PTPN9: variants seen among roughly 807,000 people sequenced by gnomAD.
PTPN9 encodes the protein protein tyrosine phosphatase non-receptor type 9, also known as tyrosine-protein phosphatase non-receptor type 9.
A neutral mutation model predicts 69.8 loss-of-function variants in PTPN9; 26 were observed. The ratio of observed to expected loss-of-function variants is 0.37; its 90% CI spans 0.27 to 0.52. PTPN9 has a LOEUF of 0.52. Ranked by LOEUF, PTPN9 falls within the 20% of genes least tolerant of loss-of-function variation. The pLI is 0.91. For missense variants in PTPN9, 549 were observed against 740.3 expected (o/e 0.74, Z 3.00); for synonymous variants, 274 against 272.5 (o/e 1.01, Z -0.05).
chr15:75,513,680 T>A (rs1033405237), intron 5 of PTPN9, among the ~76,000 whole-genome samples: 6 of 151,338 alleles, frequency 4.0e-5, no homozygotes, highest in African/African-American at 1.5e-4. Flanking sequence ...GGCAGGAGAA[T>A]CACTTGAACC....
intron 1 of PTPN9, among the ~76,000 whole-genome samples, chr15:75,550,093 T>C (rs941692158): frequency 2.0e-5 from 3 of 150,834 alleles, no homozygotes; most frequent in Non-Finnish European, 4.4e-5. Context: ...GAGAAATGAA[T>C]TTCAAAACAG....
chr15:75,571,191 C>T (rs949973299), intron 1 of PTPN9, among the ~76,000 whole-genome samples: 1 of 151,712 alleles, frequency 6.6e-6, no homozygotes, highest in Non-Finnish European at 1.5e-5. Flanking sequence ...ACCCGGGAGG[C>T]GGCGGTTGCA....
intron 1 of PTPN9, among the ~76,000 whole-genome samples, chr15:75,553,903 G>A (rs2075065776): frequency 6.6e-6 from 1 of 151,728 alleles, no homozygotes; most frequent in East Asian, 1.9e-4. Flanking sequence ...TTGACCCACA[G>A]CTCCATTACT....
intron 1 of PTPN9, among the ~76,000 whole-genome samples, chr15:75,575,623 C>A (rs1341549121): frequency 1.3e-5 from 2 of 152,114 alleles, no homozygotes; most frequent in Non-Finnish European, 2.9e-5. Flanking sequence ...TTAAATAAAT[C>A]TTAAGAGTAC....
intron 1 of PTPN9, among the ~76,000 whole-genome samples, chr15:75,564,322 C>T (rs959008146): frequency 3.9e-5 from 6 of 152,026 alleles, no homozygotes; most frequent in Admixed American, 6.6e-5. Context: ...TGGCCAGGTG[C>T]GGTGGCTCAC....
At position 75,578,701 on chromosome 15, in the gene PTPN9, C is replaced by T. The variant is rs924781426; in HGVS notation, c.63+13G>A. 38 of 1,369,478 alleles carry T rather than the reference C, an allele frequency of 2.8e-5. No individual in the cohort carries two copies. The highest frequency in any genetic ancestry group is 3.2e-5 in the Non-Finnish European group (34 of 1,058,722). 84.8% of individuals were successfully genotyped at this position (1,369,478 alleles called of 1,614,324 possible). A position where few individuals can be genotyped will look rare whatever the true frequency, so the allele number is the denominator to read the frequency against. On this transcript the variant is annotated intron_variant, in intron 1 of 12. Transcript: ENST00000618819. ...CCGGACACACCCAACGCGGCGGCCT[C>T]GGGCCCGCTTACCTGCTCCTCCTCC...
rs1226587934 is a variant in PTPN9 at position 75,466,761 on chromosome 15, G to C, written c.*2008C>G. 1.3e-5 allele frequency: 2 copies of C among 152,220 alleles called. No individual in the cohort carries two copies. The highest frequency in any genetic ancestry group is 4.8e-5 in the African/African-American group (2 of 41,448). 9.4% of individuals were successfully genotyped at this position (152,220 alleles called of 1,614,324 possible). On this transcript the variant is annotated 3_prime_UTR_variant, in exon 13 of 13. Transcript: ENST00000618819. ...AGCAGACCAACTTGAGCTCGTTTTA[G>C]AGCAAATCACTGTAACCCTCTGGAC...
Position 75,465,097 on chromosome 15 carries a change from CTTTT to C in PTPN9, c.*3668_*3671del, listed in dbSNP as rs944420790. On this transcript the variant is annotated 3_prime_UTR_variant, in exon 13 of 13. Coordinates refer to ENST00000618819, the MANE Select transcript of PTPN9 (RefSeq NM_002833.4). ...TTCTTCTTTCCTGAACACTGTCTTT[CTTTT>C]TTATTTATTTATTTTTTTTGAGATG... 3 of 152,088 alleles carry C rather than the reference CTTTT, an allele frequency of 2.0e-5. No homozygotes were observed. Among genetic ancestry groups the C allele is most frequent in the Non-Finnish European group, 4.4e-5 (3 of 68,032 alleles). 9.4% of individuals were successfully genotyped at this position (152,088 alleles called of 1,614,324 possible). A position where few individuals can be genotyped will look rare whatever the true frequency, so the allele number is the denominator to read the frequency against.
At chr15:75,523,384 G>T in intron 3 of PTPN9, 139 bp from the exon 4 acceptor site, 2 of 951,476 alleles carry the variant, frequency 2.1e-6, no homozygotes, top group Non-Finnish European at 3.1e-6. Flanking sequence ...ACCAATTGCT[G>T]TCCAAAGGGA....
intron 4 of PTPN9, among the ~76,000 whole-genome samples, chr15:75,519,325 G>A (rs879566389): frequency 2.6e-5 from 4 of 151,840 alleles, no homozygotes; most frequent in African/African-American, 9.7e-5. Flanking sequence ...GGCTGGTCTC[G>A]AACTCCTGAC....
chr15:75,532,385 G>A (rs555549476), intron 1 of PTPN9, among the ~76,000 whole-genome samples: 18 of 151,410 alleles, frequency 1.2e-4, no homozygotes, highest in African/African-American at 2.9e-4. Context: ...CCAGGAGACA[G>A]TGCGAGACTC....
At chr15:75,541,878 A>C (rs1041743772) in intron 1 of PTPN9, among the ~76,000 whole-genome samples, 2 of 151,666 alleles carry the variant, frequency 1.3e-5, no homozygotes, top group African/African-American at 2.4e-5. Context: ...TCTCTGCTAA[A>C]AATACAAAAA....
At chr15:75,572,963 G>A (rs1188689796) in intron 1 of PTPN9, among the ~76,000 whole-genome samples, 1 of 152,066 alleles carries the variant, frequency 6.6e-6, no homozygotes, top group Non-Finnish European at 1.5e-5. Flanking sequence ...CTTTTCATCT[G>A]TACTTTTCAA....
intron 7 of PTPN9, among the ~76,000 whole-genome samples, chr15:75,497,458 C>A (rs1301959575): frequency 6.6e-6 from 1 of 152,116 alleles, no homozygotes; most frequent in Non-Finnish European, 1.5e-5. Flanking sequence ...TGCCACTGCA[C>A]CTGCACTCCA....
At chr15:75,523,873 C>CCAAA (rs2074915448) in intron 3 of PTPN9, among the ~76,000 whole-genome samples, 1 of 151,960 alleles carries the variant, frequency 6.6e-6, no homozygotes, top group African/African-American at 2.4e-5. Flanking sequence ...TAATTTTATA[C>CCAAA]CAAACTGCAT....
intron 1 of PTPN9, among the ~76,000 whole-genome samples, chr15:75,578,248 C>A (rs933207342): frequency 2.1e-4 from 32 of 152,182 alleles, no homozygotes; most frequent in African/African-American, 7.7e-4. Context: ...ATCTATGCAT[C>A]CAATACTCTC....
chr15:75,569,821 G>A (rs780662698), intron 1 of PTPN9, among the ~76,000 whole-genome samples: 1 of 151,732 alleles, frequency 6.6e-6, no homozygotes, highest in Non-Finnish European at 1.5e-5. Flanking sequence ...CAAGACCCTT[G>A]TGCTCAGAAT....
intron 1 of PTPN9, among the ~76,000 whole-genome samples, chr15:75,545,739 G>A (rs898189865): frequency 6.6e-6 from 1 of 152,084 alleles, no homozygotes; most frequent in African/African-American, 2.4e-5. Flanking sequence ...TCAGGAGTTC[G>A]ACATCATGAC....
intron 8 of PTPN9, among the ~76,000 whole-genome samples, chr15:75,489,967 C>T (rs969459814): frequency 2.6e-5 from 4 of 152,174 alleles, no homozygotes; most frequent in African/African-American, 9.7e-5. Context: ...TACAATACAA[C>T]AGACCTTGCA....
Sources: allele counts gnomAD v4.1 joint callset (sites outside exome capture counted in the v4.1 genomes callset), GRCh38; gene constraint gnomAD v4.1.1; transcripts MANE v1.5; gene names NCBI Gene and HGNC (gene_info 2026-07-23, HGNC 2026-07-21).